GRM5: variants seen among roughly 807,000 people sequenced by gnomAD.
GRM5 encodes metabotropic glutamate receptor 5.
Under a neutral mutation model 83.1 loss-of-function variants are expected in GRM5, and 19 were observed. The ratio of observed to expected loss-of-function variants is 0.23; its 90% CI spans 0.16 to 0.34. The LOEUF (loss-of-function observed/expected upper bound fraction) is 0.34. Ranked by LOEUF, GRM5 falls within the 10% of genes least tolerant of loss-of-function variation. The pLI is 1.00. For missense variants in GRM5, 1,160 were observed against 1,588.3 expected (o/e 0.73, Z 4.58); for synonymous variants, 675 against 633.6 (o/e 1.07, Z -0.98).
intron 2 of GRM5, among the ~76,000 whole-genome samples, chr11:89,030,059 A>C (rs960996507): frequency 2.6e-5 from 4 of 152,190 alleles, no homozygotes; most frequent in Admixed American, 2.6e-4. Flanking sequence ...AACAACACAC[A>C]AAGCATGACA....
intron 8 of GRM5, among the ~76,000 whole-genome samples, chr11:88,532,100 G>A (rs1942025358): frequency 6.6e-6 from 1 of 152,128 alleles, no homozygotes. Context: ...GTTGGAAAAT[G>A]TTGCATATTT....
At chr11:88,605,071 AT>A in intron 4 of GRM5, 107 bp from the exon 5 acceptor site, 2 of 830,530 alleles carry the variant, frequency 2.4e-6, no homozygotes, top group Non-Finnish European at 3.9e-6. Flanking sequence ...CACTGGAGCA[AT>A]TTTATCAGAG....
At chr11:88,958,818 T>C (rs1454842174) in intron 2 of GRM5, among the ~76,000 whole-genome samples, 1 of 152,180 alleles carries the variant, frequency 6.6e-6, no homozygotes, top group Non-Finnish European at 1.5e-5. Flanking sequence ...ACCTATTACA[T>C]GTTAACGCAA....
chr11:88,907,123 C>A (rs1048969239), intron 2 of GRM5, among the ~76,000 whole-genome samples: 2 of 151,934 alleles, frequency 1.3e-5, no homozygotes, highest in Non-Finnish European at 2.9e-5. Flanking sequence ...GATTATTTGA[C>A]TTTTCAGGGC....
chr11:88,834,131 C>G (rs1278548829), intron 3 of GRM5, among the ~76,000 whole-genome samples: 1 of 152,036 alleles, frequency 6.6e-6, no homozygotes, highest in Non-Finnish European at 1.5e-5. Flanking sequence ...GTTCCCAACA[C>G]ATAGAAATGA....
chr11:88,655,323 T>A (rs1939738815), intron 3 of GRM5, among the ~76,000 whole-genome samples: 2 of 152,068 alleles, frequency 1.3e-5, no homozygotes, highest in Admixed American at 1.3e-4. Flanking sequence ...ATCACTGAGA[T>A]GAGAGTGTGG....
chr11:89,016,058 T>C (rs897379761), intron 2 of GRM5, among the ~76,000 whole-genome samples: 13 of 152,062 alleles, frequency 8.5e-5, no homozygotes. Context: ...AAGATATCAG[T>C]GATCTACAGG....
intron 2 of GRM5, among the ~76,000 whole-genome samples, chr11:89,021,206 A>G (rs1173885936): frequency 2.0e-5 from 3 of 152,238 alleles, no homozygotes; most frequent in Non-Finnish European, 1.5e-5. Context: ...AAAAAGCTTT[A>G]TGAAGTTCCT....
At chr11:88,575,401 C>A (rs369367217) in intron 7 of GRM5, among the ~76,000 whole-genome samples, 1 of 149,918 alleles carries the variant, frequency 6.7e-6, no homozygotes, top group African/African-American at 2.5e-5. Context: ...CTGTGGTTAT[C>A]TACTAACTTA....
At chr11:88,902,188 T>C (rs541145795) in intron 2 of GRM5, among the ~76,000 whole-genome samples, 1 of 151,684 alleles carries the variant, frequency 6.6e-6, no homozygotes, top group Non-Finnish European at 1.5e-5. Flanking sequence ...TTTTAATGAG[T>C]TTATCTTTTG....
chr11:88,572,768 T>C (rs903465307), intron 7 of GRM5, among the ~76,000 whole-genome samples: 13 of 152,142 alleles, frequency 8.5e-5, no homozygotes, highest in African/African-American at 3.1e-4. Flanking sequence ...CATCAATGGT[T>C]GTATTTTTTA....
At chr11:88,587,203 G>T (rs889509632) in intron 7 of GRM5, among the ~76,000 whole-genome samples, 5 of 152,132 alleles carry the variant, frequency 3.3e-5, no homozygotes, top group African/African-American at 9.7e-5. Context: ...AATACAGAAG[G>T]GGAAACTTAG....
intron 2 of GRM5, among the ~76,000 whole-genome samples, chr11:88,887,227 A>G (rs911003403): frequency 5.9e-5 from 9 of 152,184 alleles, no homozygotes; most frequent in African/African-American, 2.2e-4. Flanking sequence ...TAGTCCATAC[A>G]TTTTTAAGAC....
chr11:88,654,006 A>G (rs1306479613), intron 3 of GRM5, among the ~76,000 whole-genome samples: 1 of 152,014 alleles, frequency 6.6e-6, no homozygotes, highest in African/African-American at 2.4e-5. Flanking sequence ...TCCATACACT[A>G]TTTTCTATCC....
At chr11:88,994,445 TTATATATATATATATATATATATATATA>T (rs58154444) in intron 2 of GRM5, among the ~76,000 whole-genome samples, 104 of 86,894 alleles carry the variant, frequency 1.2e-3, no homozygotes, top group Non-Finnish European at 1.9e-3. Context: ...CTTTAACTGA[TTATATATATATATATATATATATATATA>T]TATATATATA....
At chr11:88,553,450 T>A (rs898299561) in intron 8 of GRM5, among the ~76,000 whole-genome samples, 5 of 152,162 alleles carry the variant, frequency 3.3e-5, no homozygotes, top group Non-Finnish European at 5.9e-5. Flanking sequence ...TTCTGCATTG[T>A]CATAATGTGT....
intron 3 of GRM5, among the ~76,000 whole-genome samples, chr11:88,671,344 C>T (rs992815574): frequency 5.3e-5 from 8 of 152,090 alleles, no homozygotes; most frequent in African/African-American, 1.9e-4. Flanking sequence ...CCAATATATA[C>T]TCTTAGTCTG....
intron 2 of GRM5, among the ~76,000 whole-genome samples, chr11:88,876,278 C>T (rs1162705955): frequency 1.3e-5 from 2 of 152,128 alleles, no homozygotes; most frequent in East Asian, 3.9e-4. Flanking sequence ...CCAAACTCTG[C>T]TAGCTGCAAT....
intron 2 of GRM5, among the ~76,000 whole-genome samples, chr11:88,941,235 A>T (rs1053808572): frequency 6.6e-6 from 1 of 151,754 alleles, no homozygotes; most frequent in African/African-American, 2.4e-5. Context: ...TCTAATGGGG[A>T]CATGTGAAAA....
Sources: gnomAD v4.1 joint callset for allele counts (sites outside exome capture counted in the v4.1 genomes callset) on GRCh38, gnomAD v4.1.1 for gene constraint, MANE v1.5 for transcripts, NCBI Gene and HGNC (gene_info 2026-07-23, HGNC 2026-07-21) for gene names.